The following ANTXR2 variants were observed in gnomAD, a reference collection of about 807,000 sequenced individuals.
ANTXR2 encodes ANTXR cell adhesion molecule 2.
ANTXR2 carries 44 observed loss-of-function variants against 73.7 expected under a neutral mutation model. The ratio of observed to expected loss-of-function variants is 0.60; its 90% CI spans 0.47 to 0.77. The LOEUF (loss-of-function observed/expected upper bound fraction) is 0.77. Among genes scored for constraint, ANTXR2 ranks in the 30% least tolerant of loss-of-function variants. The pLI, the probability that ANTXR2 is intolerant of heterozygous loss-of-function variation, is 0.00. For synonymous variants in ANTXR2, 217 were observed against 205.9 expected (o/e 1.05, Z -0.46); for missense variants, 604 against 592.5 (o/e 1.02, Z -0.20).
At position 79,909,930 on chromosome 4, in the gene ANTXR2, T is replaced by C. The variant is rs79006765; in HGVS notation, c.1429-2463A>G. Among the ~76,000 whole-genome samples, 676 of 152,302 alleles carry C rather than the reference T, an allele frequency of 4.4e-3. 7 individuals carry two copies. Among genetic ancestry groups the C allele is most frequent in the African/African-American group, 0.016 (648 of 41,574 alleles). On this transcript the variant is annotated intron_variant, in intron 16 of 16. Transcript: ENST00000403729. ...CAAAGATCCCACTGCATCTCCACTA[T>C]AGCCACACTACATCGTGCCATAATA...
intron 14 of ANTXR2, among the ~76,000 whole-genome samples, chr4:79,979,649 T>C (rs1729800341): frequency 6.6e-6 from 1 of 152,176 alleles, no homozygotes; most frequent in Non-Finnish European, 1.5e-5. Context: ...TTTTATGAGG[T>C]TGTTAAAATT....
intron 16 of ANTXR2, 98 bp downstream of exon 16, chr4:79,977,523 C>A: frequency 6.6e-7 from 1 of 1,516,368 alleles, no homozygotes; most frequent in Admixed American, 2.3e-5. Context: ...TCCTCAAGTG[C>A]AATAGGGCTT....
chr4:79,925,827 A>G (rs1240561764), intron 16 of ANTXR2, among the ~76,000 whole-genome samples: 1 of 152,122 alleles, frequency 6.6e-6, no homozygotes, highest in Non-Finnish European at 1.5e-5. Context: ...TCTATGAACA[A>G]GTTAAGTTTT....
chr4:80,031,436 T>C (rs1278901318), intron 10 of ANTXR2, among the ~76,000 whole-genome samples, 187 bp downstream of exon 10: 1 of 151,966 alleles, frequency 6.6e-6, no homozygotes, highest in Non-Finnish European at 1.5e-5. Context: ...ATTTTCAACC[T>C]ACTAAGAGTA....
chr4:79,922,882 TAATG>T (rs1457794287), intron 16 of ANTXR2, among the ~76,000 whole-genome samples: 1 of 152,106 alleles, frequency 6.6e-6, no homozygotes, highest in Non-Finnish European at 1.5e-5. Flanking sequence ...AGAATATAAT[TAATG>T]TATTATCTTA....
At chr4:80,018,866 A>G in intron 11 of ANTXR2, 32 bp downstream of exon 11, 1 of 1,442,760 alleles carries the variant, frequency 6.9e-7, no homozygotes. Flanking sequence ...AATTGCTTTT[A>G]AAAGATAATC....
chr4:80,037,045 C>A (rs1184834296), intron 7 of ANTXR2, among the ~76,000 whole-genome samples: 1 of 152,154 alleles, frequency 6.6e-6, no homozygotes, highest in African/African-American at 2.4e-5. Flanking sequence ...GAAACCACCA[C>A]ACAAGGGACA....
chr4:79,984,749 T>A, intron 13 of ANTXR2, 70 bp downstream of exon 13: 1 of 1,324,032 alleles, frequency 7.6e-7, no homozygotes, highest in Non-Finnish European at 1.1e-6. Context: ...CAAAATTGAT[T>A]AAATTTGGGC....
intron 16 of ANTXR2, among the ~76,000 whole-genome samples, chr4:79,950,783 T>C (rs927663735): frequency 2.6e-5 from 4 of 152,194 alleles, no homozygotes; most frequent in Non-Finnish European, 4.4e-5. Flanking sequence ...CTGACGTTCC[T>C]GCCAAATCCA....
rs1726731338 is a variant in ANTXR2 at position 79,902,152 on chromosome 4, TGTTG to T, written c.*5273_*5276del. The T allele has an allele frequency of 9.2e-5, 14 of 152,282 alleles. No homozygotes were observed. The highest frequency in any genetic ancestry group is 1.8e-4 in the Non-Finnish European group (12 of 68,000). The allele number at this position is 152,282 out of a possible 1,614,324, so 9.4% of individuals were successfully genotyped here. ...TTGGATCACCCACTGACATTTACAA[TGTTG>T]TAAATATAATTCATCTAAGATACAA... is the stretch of plus-strand genomic sequence containing the variant. On this transcript the variant is annotated 3_prime_UTR_variant, in exon 17 of 17. Transcript: ENST00000403729.
intron 16 of ANTXR2, among the ~76,000 whole-genome samples, chr4:79,935,215 G>C (rs1399006016): frequency 6.7e-6 from 1 of 150,068 alleles, no homozygotes; most frequent in African/African-American, 2.5e-5. Context: ...ACATGTCATC[G>C]CCCCCCAACT....
chr4:80,032,010 C>T lies in ANTXR2; in HGVS notation c.797-318G>A, dbSNP rs576224747. ...CTCAGATTTTTAAAAACAAATGCTC[C>T]GTATTATTTTAAAAGCACACTTTAG... On this transcript the variant is annotated intron_variant, in intron 9 of 16. Coordinates refer to ENST00000403729, the MANE Select transcript of ANTXR2 (RefSeq NM_058172.6). Among the ~76,000 whole-genome samples the T allele has an allele frequency of 1.0e-3, 154 of 150,998 alleles. 2 individuals are homozygous for T. The highest frequency in any genetic ancestry group is 5.2e-3 in the Admixed American group (78 of 15,100).
chr4:79,913,910 G>A (rs1320046797), intron 16 of ANTXR2, among the ~76,000 whole-genome samples: 1 of 152,150 alleles, frequency 6.6e-6, no homozygotes, highest in Non-Finnish European at 1.5e-5. Context: ...TTTTGTCTGT[G>A]CTAAAAATGT....
chr4:79,956,400 C>G (rs907368057), intron 16 of ANTXR2, among the ~76,000 whole-genome samples: 5 of 152,062 alleles, frequency 3.3e-5, no homozygotes, highest in Non-Finnish European at 7.4e-5. Flanking sequence ...GAATCAAGAG[C>G]TGCACTGTAA....
chr4:80,070,729 T>C (rs898572264), intron 2 of ANTXR2, among the ~76,000 whole-genome samples: 1 of 152,228 alleles, frequency 6.6e-6, no homozygotes, highest in Non-Finnish European at 1.5e-5. Context: ...ACTTTCAAAA[T>C]GTTTTGATCA....
chr4:80,071,903 T>A (rs1441355325), intron 1 of ANTXR2, among the ~76,000 whole-genome samples: 2 of 151,498 alleles, frequency 1.3e-5, no homozygotes, highest in Non-Finnish European at 2.9e-5. Flanking sequence ...GGTAAATACC[T>A]GCCTAATTGT....
At chr4:79,959,873 G>A (rs1023744351) in intron 16 of ANTXR2, among the ~76,000 whole-genome samples, 4 of 152,170 alleles carry the variant, frequency 2.6e-5, no homozygotes, top group Non-Finnish European at 4.4e-5. Flanking sequence ...GTCTAACGAC[G>A]TCTCTAACAA....
chr4:80,031,324 G>A (rs553508540), intron 10 of ANTXR2, among the ~76,000 whole-genome samples: 29 of 151,912 alleles, frequency 1.9e-4, no homozygotes, highest in South Asian at 1.0e-3. Context: ...TTATGGCTCT[G>A]ATTATTTATA....
intron 11 of ANTXR2, among the ~76,000 whole-genome samples, chr4:80,014,626 T>G (rs148501887): frequency 2.8e-4 from 43 of 152,218 alleles, no homozygotes; most frequent in African/African-American, 9.4e-4. Flanking sequence ...TTTCTCCGCC[T>G]TTTGAAAAGC....
Sources: allele counts gnomAD v4.1 joint callset (sites outside exome capture counted in the v4.1 genomes callset), GRCh38; gene constraint gnomAD v4.1.1; transcripts MANE v1.5; gene names NCBI Gene and HGNC (gene_info 2026-07-23, HGNC 2026-07-21).